The following ZRANB3 variants were observed in gnomAD, a reference collection of about 807,000 sequenced individuals.
ZRANB3 encodes the protein zinc finger RANBP2-type containing 3.
Under a neutral mutation model 133.8 loss-of-function variants are expected in ZRANB3, and 125 were observed. That is an observed-to-expected ratio of 0.93 (90% CI 0.81 to 1.08). The LOEUF is 1.08. Among genes scored for constraint, ZRANB3 ranks in the 50% least tolerant of loss-of-function variants. The pLI, the probability that ZRANB3 is intolerant of heterozygous loss-of-function variation, is 0.00. For missense variants in ZRANB3, 1,229 were observed against 1,275.5 expected, an observed-to-expected ratio of 0.96 and a Z score of 0.56; for synonymous variants, 387 against 432.7, an observed-to-expected ratio of 0.89 and a Z score of 1.31.
chr2:135,448,128 T>C (rs1253279157), intron 2 of ZRANB3, among the ~76,000 whole-genome samples: 1 of 152,188 alleles, frequency 6.6e-6, no homozygotes, highest in East Asian at 1.9e-4. Flanking sequence ...GTTCTTGTTT[T>C]TGGCCAAATC....
intron 6 of ZRANB3, among the ~76,000 whole-genome samples, chr2:135,321,289 G>C (rs1382207663): frequency 6.6e-6 from 1 of 152,134 alleles, no homozygotes; most frequent in Non-Finnish European, 1.5e-5. Context: ...CAGTTGTTCG[G>C]TAACCTTGCC....
Position 135,390,824 on chromosome 2 carries a change from G to GAAA in ZRANB3, c.162-7_162-5dup. Reference sequence around the variant, plus strand: ...TACTTCATCAGCCACCATACACCTGGAAAAAAAAAAAAAAAAAAATTAATT... The same window carrying GAAA: ...TACTTCATCAGCCACCATACACCTGGAAAAAAAAAAAAAAAAAAAAAATTAATT... On this transcript the variant is annotated splice_region_variant and splice_polypyrimidine_tract_variant and intron_variant, in intron 2 of 20. Transcript: ENST00000264159. The GAAA allele has an allele frequency of 1.6e-4, 207 of 1,298,040 alleles. No homozygotes were observed. Among genetic ancestry groups the GAAA allele is most frequent in the Admixed American group, 2.3e-4 (7 of 30,790 alleles). 80.4% of individuals were successfully genotyped at this position (1,298,040 alleles called of 1,614,324 possible).
intron 6 of ZRANB3, among the ~76,000 whole-genome samples, chr2:135,339,637 C>T (rs545148523): frequency 6.6e-6 from 1 of 152,254 alleles, no homozygotes; most frequent in East Asian, 1.9e-4. Flanking sequence ...CAATGTAAGA[C>T]AGTTTGTTTC....
At chr2:135,209,910 C>T (rs995986277) in intron 17 of ZRANB3, among the ~76,000 whole-genome samples, 2 of 152,058 alleles carry the variant, frequency 1.3e-5, no homozygotes, top group African/African-American at 4.8e-5. Flanking sequence ...TAATAATAAA[C>T]AGGTTTCCTT....
chr2:135,279,082 T>TA (rs898597353), intron 8 of ZRANB3, among the ~76,000 whole-genome samples: 49 of 149,478 alleles, frequency 3.3e-4, no homozygotes, highest in African/African-American at 9.1e-4. Context: ...AAGTAAATAC[T>TA]AAAAAAAAAA....
rs760010197 is a variant in ZRANB3 at position 135,207,611 on chromosome 2, A to G, written c.2832T>C (p.Phe944=). 1.9e-6 allele frequency: 3 copies of G among 1,614,032 alleles called. No individual in the cohort carries two copies. The highest frequency in any genetic ancestry group is 2.5e-6 in the Non-Finnish European group (3 of 1,179,888). The change falls in exon 19 of 21, where the codon TTT becomes TTC. Residue 944 remains phenylalanine, a synonymous_variant. Transcript: ENST00000264159. ...GGTAACTGTTATTAGATCGAATCCA[A>G]AACTCTTCCTGACATTTCAGAGAGC... ...RFCSLKCQEE[F]WIRSNNSYLR... is the part of the protein sequence containing the mutation.
At chr2:135,202,629 G>T in intron 20 of ZRANB3, 1 of 493,274 alleles carries the variant, frequency 2.0e-6, no homozygotes, top group Non-Finnish European at 3.5e-6. Flanking sequence ...GTCCTAGAAT[G>T]AATGAAAAGG....
chr2:135,321,818 T>A (rs1195795883), intron 6 of ZRANB3, among the ~76,000 whole-genome samples: 1 of 152,182 alleles, frequency 6.6e-6, no homozygotes, highest in African/African-American at 2.4e-5. Flanking sequence ...TCCTTTTGTG[T>A]ACTTATAAAT....
intron 8 of ZRANB3, among the ~76,000 whole-genome samples, chr2:135,302,129 C>A (rs1314049491): frequency 6.6e-6 from 1 of 152,136 alleles, no homozygotes; most frequent in Admixed American, 6.5e-5. Context: ...TCCTGAAAAG[C>A]CTATTTAATC....
chr2:135,394,953 CAAAA>C (rs113220872), intron 2 of ZRANB3, among the ~76,000 whole-genome samples: 453 of 43,378 alleles, frequency 0.01, 1 homozygote, highest in African/African-American at 0.026. Context: ...CTTGTCTCTA[CAAAA>C]AAAAAAAAAA....
chr2:135,370,033 CTTTT>C (rs548070677), intron 3 of ZRANB3, among the ~76,000 whole-genome samples: 10,508 of 119,304 alleles, frequency 0.088, 1,237 homozygotes, highest in African/African-American at 0.27. Flanking sequence ...GGGCATGTTT[CTTTT>C]TTTTTTTTTT....
intron 1 of ZRANB3, among the ~76,000 whole-genome samples, chr2:135,519,986 G>A (rs1693858191): frequency 6.6e-6 from 1 of 152,132 alleles, no homozygotes; most frequent in Non-Finnish European, 1.5e-5. Context: ...GAGGTAAAAG[G>A]AAGGAAGCAA....
intron 2 of ZRANB3, among the ~76,000 whole-genome samples, chr2:135,477,041 T>C (rs1416346370): frequency 1.3e-5 from 2 of 152,162 alleles, no homozygotes; most frequent in African/African-American, 4.8e-5. Flanking sequence ...TCTAATAACA[T>C]ATTTTACTGT....
At chr2:135,336,088 T>A (rs1254628578) in intron 6 of ZRANB3, among the ~76,000 whole-genome samples, 1 of 152,200 alleles carries the variant, frequency 6.6e-6, no homozygotes, top group East Asian at 1.9e-4. Context: ...TATAGTTTCT[T>A]CTAAATATAA....
rs1274503071 is a variant in ZRANB3 at position 135,313,597 on chromosome 2, A to T, written c.858T>A (p.Asn286Lys). Residue 286 changes from asparagine to lysine, a missense_variant, in exon 8 of 21, where the codon AAT becomes AAA. Transcript: ENST00000264159. ...DLPSAAAKEL[N>K]TSFEEWEKIM... Reference sequence around the variant, plus strand: ...TTTTTTCCCACTCTTCAAAGCTGGTATTCAATTCCTATGTGGGAAAAAATA... The same window carrying T: ...TTTTTTCCCACTCTTCAAAGCTGGTTTTCAATTCCTATGTGGGAAAAAATA... 4 of 1,609,650 alleles carry T rather than the reference A, an allele frequency of 2.5e-6. No homozygotes were observed. In the South Asian group the frequency reaches 4.4e-5, roughly 18 times the overall value.
intron 2 of ZRANB3, among the ~76,000 whole-genome samples, chr2:135,414,273 T>C (rs1163637520): frequency 2.0e-5 from 3 of 151,494 alleles, no homozygotes; most frequent in East Asian, 1.9e-4. Flanking sequence ...ACCAAGCCAA[T>C]GGAAAACAAA....
chr2:135,425,498 C>G (rs1266103497), intron 2 of ZRANB3, among the ~76,000 whole-genome samples: 2 of 152,114 alleles, frequency 1.3e-5, no homozygotes, highest in Non-Finnish European at 1.5e-5. Context: ...AAAGAAATGA[C>G]AGTAGGCTAC....
At chr2:135,481,888 CTTGT>C (rs975400212) in intron 2 of ZRANB3, among the ~76,000 whole-genome samples, 3 of 147,186 alleles carry the variant, frequency 2.0e-5, no homozygotes, top group African/African-American at 5.2e-5. Flanking sequence ...TTCCCCATTG[CTTGT>C]TTTTCTCAGG....
At chr2:135,341,804 C>T (rs893139684) in intron 6 of ZRANB3, among the ~76,000 whole-genome samples, 17 of 150,064 alleles carry the variant, frequency 1.1e-4, no homozygotes, top group Non-Finnish European at 2.1e-4. Flanking sequence ...GGATGAAACA[C>T]GCCCTGGTCT....
Sources: allele counts gnomAD v4.1 joint callset (sites outside exome capture counted in the v4.1 genomes callset), GRCh38; gene constraint gnomAD v4.1.1; transcripts MANE v1.5; gene names NCBI Gene and HGNC (gene_info 2026-07-23, HGNC 2026-07-21).